WWTR1: variants seen among roughly 807,000 people sequenced by gnomAD.
WWTR1 encodes WW domain containing transcription regulator 1.
In WWTR1, 13 loss-of-function variants were observed where a neutral mutation model predicts 40.1. That is an observed-to-expected ratio of 0.32 (90% CI 0.21 to 0.52). WWTR1 has a LOEUF of 0.52. WWTR1 is among the 20% of genes least tolerant of loss of function. The pLI, the probability that WWTR1 is intolerant of heterozygous loss-of-function variation, is 0.97. For missense variants in WWTR1, 436 were observed against 523.1 expected (o/e 0.83, Z 1.63); for synonymous variants, 230 against 210.1 (o/e 1.09, Z -0.82).
At chr3:149,700,348 G>T (rs1482938025) in intron 1 of WWTR1, among the ~76,000 whole-genome samples, 1 of 151,990 alleles carries the variant, frequency 6.6e-6, no homozygotes, top group Non-Finnish European at 1.5e-5. Context: ...CCCTCCACTA[G>T]ACTGACAGGA....
At chr3:149,664,019 A>G (rs1411381819) in intron 2 of WWTR1, among the ~76,000 whole-genome samples, 1 of 152,170 alleles carries the variant, frequency 6.6e-6, no homozygotes, top group Non-Finnish European at 1.5e-5. Context: ...TTCATCTGCC[A>G]TTTTTGCCTC....
intron 5 of WWTR1, among the ~76,000 whole-genome samples, chr3:149,715,475 G>A (rs1251625694): frequency 1.1e-4 from 17 of 152,232 alleles, no homozygotes; most frequent in Admixed American, 1.0e-3. Context: ...AGCAGCCGGC[G>A]TATTTGTGCG....
intron 2 of WWTR1, among the ~76,000 whole-genome samples, chr3:149,664,711 C>G (rs1713733696): frequency 6.6e-6 from 1 of 151,982 alleles, no homozygotes; most frequent in African/African-American, 2.4e-5. Context: ...GCCTCAGCCT[C>G]CCGAGTAGCT....
chr3:149,576,853 C>T (rs1737907269), intron 2 of WWTR1, among the ~76,000 whole-genome samples: 1 of 151,394 alleles, frequency 6.6e-6, no homozygotes, highest in African/African-American at 2.4e-5. Flanking sequence ...AATGAAGGTA[C>T]AAAAAGACAA....
At position 149,603,056 on chromosome 3, in the gene WWTR1, T is replaced by C. The variant is rs996010120; in HGVS notation, c.432-30056A>G. 7.2e-5 allele frequency among the ~76,000 whole-genome samples: 11 copies of C among 152,288 alleles called. No homozygotes were observed. The East Asian group carries it at 1.7e-3, about 24-fold the overall frequency. On this transcript the variant is annotated intron_variant, in intron 2 of 6. Transcript: ENST00000360632. ...CTAGGTTTCAACTGTAGAAATCTAT[T>C]TGCAAACTTCAAAAACTATTAACTT...
chr3:149,592,296 A>G (rs185719268), intron 2 of WWTR1, among the ~76,000 whole-genome samples: 242 of 152,278 alleles, frequency 1.6e-3, no homozygotes, highest in Non-Finnish European at 2.8e-3. Flanking sequence ...TTACTATCCT[A>G]TAGAATACAT....
chr3:149,638,151 G>C (rs1711943276), intron 2 of WWTR1, among the ~76,000 whole-genome samples: 1 of 152,164 alleles, frequency 6.6e-6, no homozygotes, highest in African/African-American at 2.4e-5. Flanking sequence ...AGGAGGCAGA[G>C]GTTGCAGGAA....
intron 2 of WWTR1, among the ~76,000 whole-genome samples, chr3:149,632,974 A>G (rs545315357): frequency 6.6e-6 from 1 of 152,212 alleles, no homozygotes; most frequent in African/African-American, 2.4e-5. Context: ...GGTGATGAAA[A>G]TGTTCTAAAC....
rs115872279 is a variant in WWTR1 at position 149,527,747 on chromosome 3, C to T, written c.905+89G>A. Reference sequence around the variant, plus strand: ...TCACCCTCAACCCTCAAGCTCCCCACCTCTTCCCAATGTAAACAAAGATCC... The same window carrying T: ...TCACCCTCAACCCTCAAGCTCCCCATCTCTTCCCAATGTAAACAAAGATCC... On this transcript the variant is annotated intron_variant, in intron 5 of 6. Transcript: ENST00000360632. 245 of 1,583,414 alleles carry T rather than the reference C, an allele frequency of 1.5e-4. No individual in the cohort carries two copies. The African/African-American group carries it at 2.9e-3, about 19-fold the overall frequency.
At chr3:149,685,973 C>T (rs1302063167) in intron 1 of WWTR1, among the ~76,000 whole-genome samples, 2 of 152,150 alleles carry the variant, frequency 1.3e-5, no homozygotes, top group African/African-American at 4.8e-5. Flanking sequence ...TCACTTCTTG[C>T]TTAAAGATCT....
At chr3:149,697,666 A>C (rs1715038643) in intron 1 of WWTR1, among the ~76,000 whole-genome samples, 1 of 152,176 alleles carries the variant, frequency 6.6e-6, no homozygotes, top group African/African-American at 2.4e-5. Context: ...ACATTTCAAA[A>C]TACAATCATG....
chr3:149,622,829 G>A (rs1206671559), intron 2 of WWTR1, among the ~76,000 whole-genome samples: 2 of 152,080 alleles, frequency 1.3e-5, no homozygotes, highest in South Asian at 2.1e-4. Context: ...GGCAGAGGCT[G>A]CAGTAAGCTC....
In WWTR1 at chr3:149,578,812, G is replaced by A. The variant is rs143820797; in HGVS notation, c.432-5812C>T. On this transcript the variant is annotated intron_variant, in intron 2 of 6. Transcript: ENST00000360632. The stretch of plus-strand genomic sequence containing the variant: ...AGAGAAACACTTGAACCGGGGAGGC[G>A]GAGGTTGCAGTGAGCTGAGAGAGCG... Among the ~76,000 whole-genome samples the A allele has an allele frequency of 6.9e-3, 1,055 of 152,180 alleles. 15 individuals carry two copies. Among genetic ancestry groups the A allele is most frequent in the African/African-American group, 0.022 (922 of 41,512 alleles).
chr3:149,563,857 T>A (rs1737192518), intron 3 of WWTR1, among the ~76,000 whole-genome samples: 1 of 152,212 alleles, frequency 6.6e-6, no homozygotes, highest in Non-Finnish European at 1.5e-5. Flanking sequence ...GTTCAAGCGA[T>A]TCTCCTTCCT....
At chr3:149,555,118 G>T (rs563926453) in intron 3 of WWTR1, among the ~76,000 whole-genome samples, 1 of 152,220 alleles carries the variant, frequency 6.6e-6, no homozygotes, top group South Asian at 2.1e-4. Flanking sequence ...CTCCAGGTGC[G>T]AAGTATGGCA....
At chr3:149,556,787 A>G (rs190789610) in intron 3 of WWTR1, among the ~76,000 whole-genome samples, 2 of 152,304 alleles carry the variant, frequency 1.3e-5, no homozygotes, top group East Asian at 3.9e-4. Flanking sequence ...ATCCCAAGCA[A>G]AACAAAATAA....
At chr3:149,570,073 T>C (rs1465042828) in intron 3 of WWTR1, among the ~76,000 whole-genome samples, 7 of 152,236 alleles carry the variant, frequency 4.6e-5, no homozygotes, top group Admixed American at 4.6e-4. Flanking sequence ...GAGTAAATCA[T>C]TTATTATTCT....
chr3:149,525,195 A>T lies in WWTR1; in HGVS notation c.1018+818T>A, dbSNP rs986894576. On this transcript the variant is annotated intron_variant, in intron 6 of 6. Transcript: ENST00000360632. ...GTTACCATGTTGGAACTTGGAAGTG[A>T]CAATTTTGAATCCTCTGAGTTGCTC... is the stretch of plus-strand genomic sequence containing the variant. Among the ~76,000 whole-genome samples the T allele has an allele frequency of 8.5e-5, 13 of 152,328 alleles. No homozygotes were observed. The Middle Eastern group carries it at 0.014, about 159-fold the overall frequency.
chr3:149,637,556 A>C (rs947013075), intron 2 of WWTR1, among the ~76,000 whole-genome samples: 1 of 152,160 alleles, frequency 6.6e-6, no homozygotes, highest in African/African-American at 2.4e-5. Flanking sequence ...CATTAATCTC[A>C]ATAAATATTC....
Sources: allele counts gnomAD v4.1 joint callset (sites outside exome capture counted in the v4.1 genomes callset), GRCh38; gene constraint gnomAD v4.1.1; transcripts MANE v1.5; gene names NCBI Gene and HGNC (gene_info 2026-07-23, HGNC 2026-07-21).